The following LRPPRC variants were observed in gnomAD, a reference collection of about 807,000 sequenced individuals.
The protein encoded by LRPPRC is leucine-rich PPR motif-containing protein, mitochondrial.
In LRPPRC, 120 loss-of-function variants were observed where a neutral mutation model predicts 180.3. The ratio of observed to expected loss-of-function variants is 0.67; its 90% confidence interval spans 0.57 to 0.77. The LOEUF is 0.77. Ranked by LOEUF, LRPPRC falls within the 30% of genes least tolerant of loss-of-function variation. LRPPRC has a pLI of 0.00. For missense variants in LRPPRC, 2,012 were observed against 1,657.2 expected (o/e 1.21, Z -3.72); for synonymous variants, 723 against 600.0 (o/e 1.21, Z -3.00).
intron 1 of LRPPRC, among the ~76,000 whole-genome samples, chr2:43,984,363 A>G (rs749837020): frequency 8.5e-5 from 13 of 152,232 alleles, no homozygotes; most frequent in Non-Finnish European, 1.9e-4. Context: ...GCTACAGGAT[A>G]TTTTTTAAAT....
At chr2:43,926,114 A>G (rs1362418620) in intron 25 of LRPPRC, among the ~76,000 whole-genome samples, 153 bp from the exon 26 acceptor site, 1 of 152,144 alleles carries the variant, frequency 6.6e-6, no homozygotes, top group African/African-American at 2.4e-5. Context: ...TACAATCTAT[A>G]TACTAAATTT....
intron 17 of LRPPRC, 73 bp from the exon 18 acceptor site, chr2:43,948,272 T>G: frequency 2.0e-6 from 2 of 975,950 alleles, no homozygotes; most frequent in South Asian, 2.6e-5. Context: ...CTAACAGAAA[T>G]TATCTCAGAC....
At chr2:43,941,067 A>C (rs1485025077) in intron 23 of LRPPRC, among the ~76,000 whole-genome samples, 1 of 152,174 alleles carries the variant, frequency 6.6e-6, no homozygotes, top group Non-Finnish European at 1.5e-5. Flanking sequence ...TAGCTTACCA[A>C]CTTCTTTATA....
In LRPPRC at chr2:43,946,094, T is replaced by A; in HGVS notation, c.2210+19A>T. 1 of 1,611,230 alleles carries A rather than the reference T, an allele frequency of 6.2e-7. No homozygotes were observed. Among genetic ancestry groups the A allele is most frequent in the African/African-American group, 1.3e-5 (1 of 74,954 alleles). On this transcript the variant is annotated intron_variant, in intron 21 of 37. Transcript: ENST00000260665. ...GCAGAATAAATGTTGACAACTTGTT[T>A]CAGTGCCAGGGTACTCACAATTCTT...
chr2:43,988,415 A>T (rs1363882773), intron 1 of LRPPRC, among the ~76,000 whole-genome samples: 1 of 152,038 alleles, frequency 6.6e-6, no homozygotes, highest in Non-Finnish European at 1.5e-5. Context: ...GCATGCCTAT[A>T]ATCCCAGCTA....
intron 20 of LRPPRC, among the ~76,000 whole-genome samples, chr2:43,946,663 A>G (rs1672692262): frequency 6.6e-6 from 1 of 152,084 alleles, no homozygotes; most frequent in African/African-American, 2.4e-5. Context: ...TTTAGAATTT[A>G]ACAGTAGCAG....
At chr2:43,973,081 G>A (rs999790336) in intron 11 of LRPPRC, among the ~76,000 whole-genome samples, 2 of 152,184 alleles carry the variant, frequency 1.3e-5, no homozygotes, top group African/African-American at 4.8e-5. Context: ...TTAAGAACCT[G>A]AAAGATTGAA....
intron 14 of LRPPRC, among the ~76,000 whole-genome samples, chr2:43,956,435 A>G (rs758221018): frequency 6.6e-6 from 1 of 151,006 alleles, no homozygotes; most frequent in East Asian, 2.0e-4. Flanking sequence ...ATCCAGTGTC[A>G]TTATGCATAC....
intron 22 of LRPPRC, among the ~76,000 whole-genome samples, chr2:43,945,057 T>G (rs535359432): frequency 6.6e-6 from 1 of 152,188 alleles, no homozygotes; most frequent in Non-Finnish European, 1.5e-5. Context: ...CCATAAGTCA[T>G]GATCTTCAAA....
At chr2:43,924,549 A>C (rs539884643) in intron 27 of LRPPRC, among the ~76,000 whole-genome samples, 4 of 152,322 alleles carry the variant, frequency 2.6e-5, no homozygotes, top group Non-Finnish European at 5.9e-5. Flanking sequence ...GTAGTATATA[A>C]GTTATTTGTA....
At chr2:43,973,752 A>G in intron 10 of LRPPRC, 38 bp from the exon 11 acceptor site, 1 of 1,602,844 alleles carries the variant, frequency 6.2e-7, no homozygotes, top group Non-Finnish European at 8.5e-7. Context: ...AAGCTACCTC[A>G]GCAAAACTTC....
upstream of LRPPRC, chr2:43,996,045 G>T: frequency 7.8e-7 from 1 of 1,287,558 alleles, no homozygotes; most frequent in Non-Finnish European, 1.1e-6. Context: ...CCAACTGCCG[G>T]GCGTGCCAAA....
chr2:43,909,190 A>G (rs1009523112), intron 30 of LRPPRC, among the ~76,000 whole-genome samples: 1 of 152,206 alleles, frequency 6.6e-6, no homozygotes, highest in Non-Finnish European at 1.5e-5. Flanking sequence ...TTTTAAAAGT[A>G]CTCAACAATT....
intron 30 of LRPPRC, among the ~76,000 whole-genome samples, chr2:43,907,918 G>T (rs965685348): frequency 1.3e-5 from 2 of 152,062 alleles, no homozygotes; most frequent in African/African-American, 4.8e-5. Context: ...TGGATTTTAG[G>T]TAACACTTTT....
intron 23 of LRPPRC, among the ~76,000 whole-genome samples, chr2:43,942,088 T>C (rs1672502990): frequency 6.6e-6 from 1 of 152,054 alleles, no homozygotes; most frequent in Non-Finnish European, 1.5e-5. Flanking sequence ...CATTTTCCCA[T>C]GGGTAAGCTC....
At chr2:43,961,515 T>C (rs1271638523) in intron 12 of LRPPRC, among the ~76,000 whole-genome samples, 1 of 152,198 alleles carries the variant, frequency 6.6e-6, no homozygotes, top group East Asian at 1.9e-4. Flanking sequence ...TGAAAGAACA[T>C]ACATGCTAAG....
chr2:43,889,065 C>T (rs75681808), intron 37 of LRPPRC, among the ~76,000 whole-genome samples: 1 of 151,976 alleles, frequency 6.6e-6, no homozygotes, highest in African/African-American at 2.4e-5. Flanking sequence ...GCCTGTAATC[C>T]CGGCACTTTG....
At chr2:43,981,910 T>C (rs373798920) in intron 2 of LRPPRC, among the ~76,000 whole-genome samples, 13,049 of 99,686 alleles carry the variant, frequency 0.13, 632 homozygotes, top group African/African-American at 0.21. Flanking sequence ...ATTTAAGACT[T>C]TTTTTTTTGT....
intron 2 of LRPPRC, among the ~76,000 whole-genome samples, chr2:43,981,013 T>C (rs904047352): frequency 1.8e-4 from 28 of 152,148 alleles, no homozygotes; most frequent in African/African-American, 6.5e-4. Context: ...TCAGATTTTA[T>C]ATCTACACTT....
Sources: allele counts gnomAD v4.1 joint callset (sites outside exome capture counted in the v4.1 genomes callset), GRCh38; gene constraint gnomAD v4.1.1; transcripts MANE v1.5; gene names NCBI Gene and HGNC (gene_info 2026-07-23, HGNC 2026-07-21).